Variants in MRAP2 observed in about 807,000 individuals in gnomAD.
MRAP2 encodes melanocortin 2 receptor accessory protein 2.
MRAP2 carries 20 observed loss-of-function variants against 17.4 expected under a neutral mutation model. That is an observed-to-expected ratio of 1.15 (90% CI 0.81 to 1.67). The LOEUF (loss-of-function observed/expected upper bound fraction) is 1.67, where lower values mean the gene tolerates loss of function less well. Ranked by LOEUF, MRAP2 falls within the 40% of genes most tolerant of loss-of-function variation. The pLI is 0.00. For missense variants in MRAP2, 238 were observed against 240.0 expected, an observed-to-expected ratio of 0.99 and a Z score of 0.05; for synonymous variants, 96 against 88.4, an observed-to-expected ratio of 1.09 and a Z score of -0.48.
At position 84,046,287 on chromosome 6, in the gene MRAP2, G is replaced by A. The variant is rs149572024; in HGVS notation, c.-7-9025G>A. Reference sequence around the variant, plus strand: ...TATTCCAGGTCCATGAAAACTGGCTGGTCTCTAGAAAACATTCCCCAGAGA... The same window carrying A: ...TATTCCAGGTCCATGAAAACTGGCTAGTCTCTAGAAAACATTCCCCAGAGA... On this transcript the variant is annotated intron_variant, in intron 1 of 3. Coordinates refer to ENST00000257776, the MANE Select transcript of MRAP2 (RefSeq NM_138409.4). 9.9e-5 allele frequency among the ~76,000 whole-genome samples: 15 copies of A among 152,178 alleles called. No individual in the cohort carries two copies. The East Asian group carries it at 2.9e-3, about 29-fold the overall frequency.
the MRAP2 span, among the ~76,000 whole-genome samples, chr6:84,110,740 CATTTAAGTCTGTG>C: frequency 6.6e-6 from 1 of 152,172 alleles, no homozygotes; most frequent in Non-Finnish European, 1.5e-5. Context: ...TTAGGTCTTA[CATTTAAGTCTGTG>C]ATCCATCTTG....
At chr6:84,105,662 A>G in the MRAP2 span, among the ~76,000 whole-genome samples, 1 of 152,052 alleles carries the variant, frequency 6.6e-6, no homozygotes, top group Non-Finnish European at 1.5e-5. Flanking sequence ...ACTGTTCTCT[A>G]CCTCCATTGT....
At chr6:84,072,499 C>T (rs539256120) in intron 3 of MRAP2, among the ~76,000 whole-genome samples, 25 of 152,290 alleles carry the variant, frequency 1.6e-4, no homozygotes, top group East Asian at 5.8e-4. Flanking sequence ...CAATGGACTC[C>T]GTGAGGGTTT....
intron 3 of MRAP2, among the ~76,000 whole-genome samples, chr6:84,086,621 C>T (rs527294892): frequency 1.4e-4 from 21 of 152,268 alleles, no homozygotes; most frequent in Middle Eastern, 3.4e-3. Context: ...GAACTTTTTG[C>T]TCTTCTCAGG....
the MRAP2 span, among the ~76,000 whole-genome samples, chr6:84,136,520 C>T: frequency 1.3e-3 from 199 of 152,220 alleles, 1 homozygote; most frequent in African/African-American, 3.9e-3. Flanking sequence ...ATATTCAAAC[C>T]GCAGCAGCAT....
At chr6:84,086,486 ATATT>A (rs2099500488) in intron 3 of MRAP2, among the ~76,000 whole-genome samples, 1 of 152,220 alleles carries the variant, frequency 6.6e-6, no homozygotes, top group Non-Finnish European at 1.5e-5. Flanking sequence ...AAGTGACTCC[ATATT>A]TATTCTGACA....
intron 3 of MRAP2, among the ~76,000 whole-genome samples, chr6:84,086,996 G>T (rs1229318468): frequency 6.6e-6 from 1 of 152,228 alleles, no homozygotes; most frequent in Non-Finnish European, 1.5e-5. Flanking sequence ...GAGGAATGGT[G>T]TGGACCCCAG....
the MRAP2 span, among the ~76,000 whole-genome samples, chr6:84,140,622 C>T: frequency 6.6e-6 from 1 of 152,194 alleles, no homozygotes; most frequent in South Asian, 2.1e-4. Flanking sequence ...AACTCCTGGG[C>T]TTAACCAATC....
At chr6:84,063,813 A>G (rs58762191) in intron 3 of MRAP2, among the ~76,000 whole-genome samples, 34,503 of 151,942 alleles carry the variant, frequency 0.23, 4,144 homozygotes, top group Middle Eastern at 0.33. Flanking sequence ...TTGGGAGGCC[A>G]AGGCAGGCAG....
the MRAP2 span, among the ~76,000 whole-genome samples, chr6:84,103,230 T>A: frequency 6.6e-6 from 1 of 152,208 alleles, no homozygotes; most frequent in Non-Finnish European, 1.5e-5. Context: ...GTAGATCCAA[T>A]GTTATCTTGT....
chr6:84,138,743 T>G, the MRAP2 span, among the ~76,000 whole-genome samples: 2 of 152,230 alleles, frequency 1.3e-5, no homozygotes, highest in Non-Finnish European at 2.9e-5. Flanking sequence ...TAAAACTGAC[T>G]TCATTATCTT....
the MRAP2 span, among the ~76,000 whole-genome samples, chr6:84,107,549 G>A: frequency 1.3e-5 from 2 of 152,166 alleles, no homozygotes; most frequent in Admixed American, 1.3e-4. Context: ...TTGTGAAAGG[G>A]AAAGGCAATC....
intron 3 of MRAP2, among the ~76,000 whole-genome samples, chr6:84,073,075 C>T (rs1021630435): frequency 7.9e-5 from 12 of 152,270 alleles, no homozygotes; most frequent in African/African-American, 2.9e-4. Flanking sequence ...TGTCCTTCCC[C>T]GAATTCTGGC....
At chr6:84,117,017 CTTCT>C in the MRAP2 span, among the ~76,000 whole-genome samples, 97 of 147,430 alleles carry the variant, frequency 6.6e-4, no homozygotes, top group African/African-American at 1.5e-3. Flanking sequence ...CTTTTTTCTT[CTTCT>C]TTCTTTCTAT....
the MRAP2 span, among the ~76,000 whole-genome samples, chr6:84,135,167 C>A: frequency 6.6e-6 from 1 of 152,048 alleles, no homozygotes; most frequent in Non-Finnish European, 1.5e-5. Flanking sequence ...ATTGCTAATA[C>A]TAATTATTAT....
At chr6:84,033,460 G>C (rs1205592709), upstream of MRAP2, among the ~76,000 whole-genome samples, 1 of 152,194 alleles carries the variant, frequency 6.6e-6, no homozygotes, top group African/African-American at 2.4e-5. Flanking sequence ...CTTGATTCAT[G>C]ATACCCCACT....
At chr6:84,083,876 C>T (rs988095917) in intron 3 of MRAP2, among the ~76,000 whole-genome samples, 11 of 152,048 alleles carry the variant, frequency 7.2e-5, no homozygotes, top group East Asian at 1.9e-4. Flanking sequence ...CTCTCGCTTT[C>T]GTCTGGATAT....
At chr6:84,049,890 G>C (rs2099489972) in intron 1 of MRAP2, among the ~76,000 whole-genome samples, 1 of 152,032 alleles carries the variant, frequency 6.6e-6, no homozygotes, top group African/African-American at 2.4e-5. Context: ...TACTTTCTAG[G>C]ATACACTAGA....
chr6:84,089,035 T>C lies in MRAP2; in HGVS notation c.228-56T>C, dbSNP rs1316230117. On this transcript the variant is annotated intron_variant, in intron 3 of 3. Transcript: ENST00000257776. Reference sequence around the variant, plus strand: ...TGCCCTACGTGCAGAAAACCATGATTCTGCAGGTGAATGGGCTGGAGTGTA... The same window carrying C: ...TGCCCTACGTGCAGAAAACCATGATCCTGCAGGTGAATGGGCTGGAGTGTA... 16 of 1,537,120 alleles carry C rather than the reference T, an allele frequency of 1.0e-5. No individual in the cohort carries two copies. In the East Asian group the frequency reaches 3.2e-4, roughly 30 times the overall value.
Sources: allele counts gnomAD v4.1 joint callset (sites outside exome capture counted in the v4.1 genomes callset), GRCh38; gene constraint gnomAD v4.1.1; transcripts MANE v1.5; gene names NCBI Gene and HGNC (gene_info 2026-07-23, HGNC 2026-07-21).